RALGAPA1: variants seen among roughly 807,000 people sequenced by gnomAD.
RALGAPA1 encodes the protein ral GTPase-activating protein subunit alpha-1.
Under a neutral mutation model 269.6 loss-of-function variants are expected in RALGAPA1, and 52 were observed. The ratio of observed to expected loss-of-function variants is 0.19; its 90% CI spans 0.15 to 0.24. RALGAPA1 has a LOEUF of 0.24. Among genes scored for constraint, RALGAPA1 ranks in the 10% least tolerant of loss-of-function variants. RALGAPA1 has a pLI of 1.00. For synonymous variants in RALGAPA1, 817 were observed against 1,008.3 expected (o/e 0.81, Z 3.60); for missense variants, 1,917 against 3,013.9 (o/e 0.64, Z 8.52).
rs1566885920 is a variant in RALGAPA1 at position 35,635,472 on chromosome 14, T to C, written c.5803A>G (p.Ile1935Val). ...AAAGCAAGGAAGTTTACCTTATAAA[T>C]GCAATTGAGAACAGATTTTTCTGTT... ...DKTEKSVLNCIYKVLHGCVYG... is the reference protein window; with the variant it reads ...DKTEKSVLNCVYKVLHGCVYG... The change falls in exon 32 of 42, where the codon ATT becomes GTT. Residue 1935 changes from isoleucine (I) to valine (V), a missense_variant. Physicochemically the swap from Ile to Val is conservative, Grantham distance 29. This residue lies in a region of RALGAPA1 where 346 missense variants were observed against 566.1 expected (regional missense o/e 0.61). Transcript: ENST00000680220. 3.8e-6 allele frequency: 6 copies of C among 1,593,430 alleles called. No homozygotes were observed. Among genetic ancestry groups the C allele is most frequent in the Non-Finnish European group, 5.1e-6 (6 of 1,172,682 alleles).
rs1234600180 is a variant in RALGAPA1 at position 35,686,558 on chromosome 14, C to A, written c.4061G>T (p.Arg1354Leu). The change falls in exon 19 of 42, where the codon CGA becomes CTA. Residue 1354 changes from arginine to leucine, a missense_variant. Arg to Leu is a moderately radical substitution (Grantham distance 102). Coordinates refer to ENST00000680220, the MANE Select transcript of RALGAPA1 (RefSeq NM_001346249.2). ...LMDEFIAERL[R>L]SGNASTMTRR... is the part of the protein sequence containing the mutation. ...AAAACTTACCGAGGCATTACCACTT[C>A]GAAGTCGTTCTGCTATAAACTCATC... 6.2e-7 allele frequency: 1 copy of A among 1,603,400 alleles called. No individual in the cohort carries two copies. The highest frequency in any genetic ancestry group is 1.7e-5 in the Admixed American group (1 of 58,226).
intron 16 of RALGAPA1, among the ~76,000 whole-genome samples, chr14:35,721,355 T>C (rs949181840): frequency 6.6e-5 from 10 of 152,198 alleles, no homozygotes; most frequent in African/African-American, 2.4e-4. Flanking sequence ...GTGAGTAAAT[T>C]CCTTCAATGA....
chr14:35,570,610 A>G lies in RALGAPA1; in HGVS notation c.7496+7T>C, dbSNP rs770258938. ...GAGTAGAAACCATTACATTAAAAAAAGGATACAAGTTTTGATACAATGGAA... is the reference window on the plus strand; with the variant it reads ...GAGTAGAAACCATTACATTAAAAAAGGGATACAAGTTTTGATACAATGGAA... On this transcript the variant is annotated splice_region_variant and intron_variant, in intron 39 of 41. Coordinates refer to ENST00000680220, the MANE Select transcript of RALGAPA1 (RefSeq NM_001346249.2). The G allele has an allele frequency of 2.0e-5, 32 of 1,593,002 alleles. No individual in the cohort carries two copies. Among genetic ancestry groups the G allele is most frequent in the Non-Finnish European group, 2.6e-5 (31 of 1,173,598 alleles).
intron 35 of RALGAPA1, among the ~76,000 whole-genome samples, chr14:35,613,144 C>T (rs905088492): frequency 9.3e-5 from 14 of 151,176 alleles, no homozygotes; most frequent in South Asian, 2.1e-4. Context: ...GGCAGTGGCA[C>T]GATGTTGGCT....
intron 37 of RALGAPA1, among the ~76,000 whole-genome samples, chr14:35,591,929 C>T (rs900948010): frequency 6.6e-6 from 1 of 152,068 alleles, no homozygotes; most frequent in Non-Finnish European, 1.5e-5. Flanking sequence ...GTGGCACTTC[C>T]CCTTTGTTCG....
chr14:35,641,931 C>T (rs1169055512), intron 31 of RALGAPA1, among the ~76,000 whole-genome samples: 1 of 151,986 alleles, frequency 6.6e-6, no homozygotes, highest in East Asian at 1.9e-4. Flanking sequence ...ATAGAGAACC[C>T]AGAAACAAAT....
At chr14:35,622,484 G>A (rs2060696568) in intron 35 of RALGAPA1, among the ~76,000 whole-genome samples, 1 of 152,126 alleles carries the variant, frequency 6.6e-6, no homozygotes. Context: ...TGCACGTTGT[G>A]CACATGTACC....
chr14:35,748,573 G>A lies in RALGAPA1; in HGVS notation c.1251+12C>T. 1 of 1,590,504 alleles carries A rather than the reference G, an allele frequency of 6.3e-7. No homozygotes were observed. The highest frequency in any genetic ancestry group is 8.5e-7 in the Non-Finnish European group (1 of 1,169,642). On this transcript the variant is annotated intron_variant, in intron 10 of 41. Transcript: ENST00000680220. ...CTTCCTTATAAATTAAAAATACTGA[G>A]AGGTATGTTACCTGACGAAATATCT...
At chr14:35,691,092 T>TA (rs1567015997) in intron 17 of RALGAPA1, among the ~76,000 whole-genome samples, 27 of 148,188 alleles carry the variant, frequency 1.8e-4, no homozygotes, top group Admixed American at 1.2e-3. Flanking sequence ...TAATAATAAT[T>TA]ATTATTATTA....
intron 6 of RALGAPA1, among the ~76,000 whole-genome samples, chr14:35,759,445 T>G (rs770345863): frequency 7.2e-5 from 11 of 152,168 alleles, no homozygotes; most frequent in Non-Finnish European, 1.5e-4. Flanking sequence ...CAATTGGCTG[T>G]TAATTAAGCC....
intron 40 of RALGAPA1, 65 bp from the exon 41 acceptor site, chr14:35,548,603 C>G (rs973292726): frequency 2.7e-6 from 3 of 1,100,156 alleles, no homozygotes; most frequent in Non-Finnish European, 2.6e-6. Context: ...AGGAAGGCCA[C>G]GAGTCATTTA....
At chr14:35,771,230 C>A (rs897213712) in intron 3 of RALGAPA1, among the ~76,000 whole-genome samples, 1 of 151,992 alleles carries the variant, frequency 6.6e-6, no homozygotes, top group Admixed American at 6.6e-5. Context: ...CCTGTCTCTA[C>A]TAAAAATACA....
chr14:35,644,760 GC>G (rs1259516530), intron 31 of RALGAPA1, among the ~76,000 whole-genome samples: 1 of 152,092 alleles, frequency 6.6e-6, no homozygotes, highest in Admixed American at 6.6e-5. Context: ...TCAGACTGGG[GC>G]CTGTTGGTGG....
chr14:35,773,445 C>T (rs183431845), intron 3 of RALGAPA1, among the ~76,000 whole-genome samples: 3 of 152,024 alleles, frequency 2.0e-5, no homozygotes, highest in Non-Finnish European at 2.9e-5. Context: ...CCATTAAAGA[C>T]AAACATTTCT....
intron 41 of RALGAPA1, among the ~76,000 whole-genome samples, chr14:35,544,443 G>A (rs1301858137): frequency 6.6e-6 from 1 of 152,170 alleles, no homozygotes; most frequent in African/African-American, 2.4e-5. Context: ...GTGACTCTGG[G>A]TAAGCATTTT....
chr14:35,629,600 T>A (rs1274588252), intron 33 of RALGAPA1, among the ~76,000 whole-genome samples: 1 of 152,118 alleles, frequency 6.6e-6, no homozygotes, highest in Non-Finnish European at 1.5e-5. Context: ...ACCTCCCGTG[T>A]TCAAGCGATT....
chr14:35,540,853 A>G (rs973325187), intron 41 of RALGAPA1, among the ~76,000 whole-genome samples: 3 of 152,142 alleles, frequency 2.0e-5, no homozygotes, highest in Non-Finnish European at 4.4e-5. Flanking sequence ...TTGTTAGCCA[A>G]TGTAGCACCT....
At chr14:35,730,260 C>T (rs577918881) in intron 12 of RALGAPA1, among the ~76,000 whole-genome samples, 2 of 152,228 alleles carry the variant, frequency 1.3e-5, no homozygotes, top group African/African-American at 4.8e-5. Flanking sequence ...CCAGGCAGGC[C>T]ATTCCTGCCT....
At chr14:35,566,747 AAT>A (rs946149687) in intron 39 of RALGAPA1, among the ~76,000 whole-genome samples, 3 of 151,586 alleles carry the variant, frequency 2.0e-5, no homozygotes, top group Non-Finnish European at 4.4e-5. Context: ...CCTGTATTTC[AAT>A]ATCTTAAAAT....
Sources: gnomAD v4.1 joint callset for allele counts (sites outside exome capture counted in the v4.1 genomes callset) on GRCh38, gnomAD v4.1.1 for gene constraint, gnomAD v4.1.1 regional missense constraint, MANE v1.5 for transcripts, NCBI Gene and HGNC (gene_info 2026-07-23, HGNC 2026-07-21) for gene names.